The following DNAI4 variants were observed in gnomAD, a reference collection of about 807,000 sequenced individuals.
The protein encoded by DNAI4 is WD repeat domain 78.
DNAI4 carries 85 observed loss-of-function variants against 105.8 expected under a neutral mutation model. The ratio of observed to expected loss-of-function variants is 0.80; its 90% CI spans 0.67 to 0.96. DNAI4 has a LOEUF of 0.96. Among genes scored for constraint, DNAI4 ranks in the 40% least tolerant of loss-of-function variants. The probability of loss-of-function intolerance (pLI) is 0.00; values close to 1 mark genes in which losing one functional copy is unlikely to be tolerated. For missense variants in DNAI4, 1,014 were observed against 1,005.6 expected, an observed-to-expected ratio of 1.01 and a Z score of -0.11; for synonymous variants, 352 against 331.5, an observed-to-expected ratio of 1.06 and a Z score of -0.67.
In DNAI4 at chr1:66,905,201, C is replaced by A; in HGVS notation, c.345G>T (p.Gln115His). The A allele has an allele frequency of 6.7e-7, 1 of 1,488,028 alleles. No individual in the cohort carries two copies. The highest frequency in any genetic ancestry group is 9.1e-7 in the Non-Finnish European group (1 of 1,104,038). 92.2% of individuals were successfully genotyped at this position (1,488,028 alleles called of 1,614,324 possible). A position where few individuals can be genotyped will look rare whatever the true frequency, so the allele number is the denominator to read the frequency against. Residue 115 changes from glutamine (Q) to histidine (H), a missense_variant and splice_region_variant, in exon 2 of 17, where the codon CAG (glutamine) becomes CAT (histidine). Coordinates refer to ENST00000371026, the MANE Select transcript of DNAI4 (RefSeq NM_024763.5). ...AAACTCAGAATTCTAAGAATATTAC[C>A]TGTGTTGTCTTTATATTGGGATTTG... is the stretch of plus-strand genomic sequence containing the variant. Reference protein sequence around the residue: ...EKPNPNIKTTQVFDINGTDVT... With the variant: ...EKPNPNIKTTHVFDINGTDVT...
Position 66,840,469 on chromosome 1 carries a change from T to C in DNAI4, c.1494A>G (p.Pro498=), listed in dbSNP as rs965749152. Residue 498 remains proline, a splice_region_variant and synonymous_variant, in exon 9 of 17, where the codon CCA becomes CCG. Transcript: ENST00000371026. The part of the protein sequence containing the change: ...VSSLAWNKTN[P]DLLAVGYGHF... ...ATTGTTCAAATGTTTGATAACTTAC[T>C]GGATTTGTTTTATTCCAGGCAAGGC... The C allele has an allele frequency of 5.0e-6, 8 of 1,612,318 alleles. No individual in the cohort carries two copies. Among genetic ancestry groups the C allele is most frequent in the Non-Finnish European group, 6.8e-6 (8 of 1,178,302 alleles).
Position 66,905,216 on chromosome 1 carries a change from A to G in DNAI4, c.330T>C (p.Asn110=), listed in dbSNP as rs147776480. Residue 110 remains asparagine (N), a synonymous_variant, in exon 2 of 17, where the codon AAT becomes AAC. Coordinates refer to ENST00000371026, the MANE Select transcript of DNAI4 (RefSeq NM_024763.5). The part of the protein sequence containing the change: ...ELKTVEKPNP[N]IKTTQVFDIN... ...AGAATATTACCTGTGTTGTCTTTAT[A>G]TTGGGATTTGGTTTTTCTACAGTTT... The G allele has an allele frequency of 1.3e-6, 2 of 1,527,180 alleles. No homozygotes were observed. Among genetic ancestry groups the G allele is most frequent in the South Asian group, 1.3e-5 (1 of 75,946 alleles). The allele number at this position is 1,527,180 out of a possible 1,614,324, so 94.6% of individuals were successfully genotyped here.
Position 66,905,257 on chromosome 1 carries a change from T to A in DNAI4, c.289A>T (p.Ile97Phe), listed in dbSNP as rs1413608877. The stretch of plus-strand genomic sequence containing the variant: ...TCTACAGTTTTCAGTTCAGGTGGAA[T>A]AAGCACGGTTTTGGACACAGCCATT... ...SRMAVSKTVL[I>F]PPELKTVEKP... The change falls in exon 2 of 17, where the codon ATT becomes TTT. Residue 97 changes from isoleucine (I) to phenylalanine (F), a missense_variant. Transcript: ENST00000371026. 3 of 1,580,110 alleles carry A rather than the reference T, an allele frequency of 1.9e-6. No homozygotes were observed. Among genetic ancestry groups the A allele is most frequent in the Non-Finnish European group, 2.6e-6 (3 of 1,157,174 alleles).
chr1:66,916,083 TAAAAA>T (rs34693536), intron 1 of DNAI4, among the ~76,000 whole-genome samples: 1 of 117,498 alleles, frequency 8.5e-6, no homozygotes, highest in African/African-American at 3.3e-5. Flanking sequence ...AGACTCTGTC[TAAAAA>T]AAAAAAAAAA....
intron 16 of DNAI4, among the ~76,000 whole-genome samples, chr1:66,816,744 C>T (rs1304269715): frequency 1.3e-5 from 2 of 148,674 alleles, no homozygotes; most frequent in Non-Finnish European, 3.0e-5. Flanking sequence ...CACACACACA[C>T]ACACACACAC....
intron 7 of DNAI4, among the ~76,000 whole-genome samples, chr1:66,855,980 A>ATAATCAAATGGCGTTTTTTCAAGGTATG (rs1557929491): frequency 6.6e-6 from 1 of 151,902 alleles, no homozygotes; most frequent in African/African-American, 2.4e-5. Flanking sequence ...GACTAAGGGC[A>ATAATCAAATGGCGTTTTTTCAAGGTATG]CCCACCACCA....
intron 13 of DNAI4, among the ~76,000 whole-genome samples, chr1:66,831,447 A>G (rs776411804): frequency 1.3e-5 from 2 of 152,224 alleles, no homozygotes; most frequent in Non-Finnish European, 2.9e-5. Context: ...CAACAATCAA[A>G]TAAAGTTTAT....
chr1:66,860,713 CGCACA>C (rs1407986037), intron 7 of DNAI4: 15 of 152,190 alleles, frequency 9.9e-5, no homozygotes, highest in African/African-American at 3.6e-4. Context: ...ACTTTGCACT[CGCACA>C]TTTTTGTAGG....
At chr1:66,872,495 G>A (rs567870462) in intron 5 of DNAI4, among the ~76,000 whole-genome samples, 16 of 151,990 alleles carry the variant, frequency 1.1e-4, no homozygotes, top group East Asian at 3.9e-4. Flanking sequence ...CTCCCAAAGC[G>A]CTGGGATTAC....
chr1:66,814,280 A>T (rs1572571137), intron 16 of DNAI4, 100 bp from the exon 17 acceptor site: 11 of 819,324 alleles, frequency 1.3e-5, no homozygotes, highest in Middle Eastern at 5.1e-4. Context: ...TTAGTGATAC[A>T]CATATCCAAT....
intron 7 of DNAI4, among the ~76,000 whole-genome samples, chr1:66,858,690 A>G (rs1231539797): frequency 6.6e-6 from 1 of 152,190 alleles, no homozygotes; most frequent in African/African-American, 2.4e-5. Context: ...AATCCATCAC[A>G]TCAACAAGCT....
chr1:66,903,535 C>G (rs1648999238), intron 2 of DNAI4, among the ~76,000 whole-genome samples: 1 of 152,162 alleles, frequency 6.6e-6, no homozygotes, highest in Non-Finnish European at 1.5e-5. Context: ...GTCTGTTCCT[C>G]AAGCTGGAGT....
chr1:66,916,046 A>G (rs944021443), intron 1 of DNAI4, among the ~76,000 whole-genome samples: 1 of 147,562 alleles, frequency 6.8e-6, no homozygotes, highest in Non-Finnish European at 1.5e-5. Context: ...GCTTAAACCC[A>G]GGAGGTGGAG....
At chr1:66,913,617 A>G (rs1375997306) in intron 1 of DNAI4, among the ~76,000 whole-genome samples, 3 of 152,262 alleles carry the variant, frequency 2.0e-5, no homozygotes, top group Non-Finnish European at 2.9e-5. Context: ...AAATATATAT[A>G]AGGGCTAATG....
intron 4 of DNAI4, among the ~76,000 whole-genome samples, chr1:66,883,288 CT>C (rs1246782207): frequency 7.2e-6 from 1 of 138,216 alleles, no homozygotes; most frequent in Non-Finnish European, 1.5e-5. Context: ...TCTGTATAAA[CT>C]TTTTTTGAGA....
intron 7 of DNAI4, among the ~76,000 whole-genome samples, chr1:66,854,780 G>A (rs1646466621): frequency 6.6e-6 from 1 of 152,026 alleles, no homozygotes; most frequent in African/African-American, 2.4e-5. Context: ...CTCCAGCCTG[G>A]GTGGCAGAGC....
At chr1:66,865,425 A>AAAC (rs965317556) in intron 6 of DNAI4, among the ~76,000 whole-genome samples, 3 of 152,158 alleles carry the variant, frequency 2.0e-5, no homozygotes, top group Admixed American at 6.5e-5. Context: ...CCCCATCTCA[A>AAAC]AACAACAACA....
At chr1:66,882,580 T>A (rs769550048) in intron 4 of DNAI4, among the ~76,000 whole-genome samples, 10 of 152,148 alleles carry the variant, frequency 6.6e-5, no homozygotes, top group African/African-American at 2.4e-4. Context: ...GAAAAGAGAA[T>A]TCTTTCTTCA....
intron 4 of DNAI4, among the ~76,000 whole-genome samples, chr1:66,879,619 A>G (rs1647025688): frequency 4.6e-5 from 7 of 152,188 alleles, no homozygotes; most frequent in Admixed American, 4.6e-4. Flanking sequence ...CTATATTCCA[A>G]ACTGGATGTA....
Sources: gnomAD v4.1 joint callset for allele counts (sites outside exome capture counted in the v4.1 genomes callset) on GRCh38, gnomAD v4.1.1 for gene constraint, MANE v1.5 for transcripts, NCBI Gene and HGNC (gene_info 2026-07-23, HGNC 2026-07-21) for gene names.